NDST3: variants seen among roughly 807,000 people sequenced by gnomAD.
NDST3 encodes bifunctional heparan sulfate N-deacetylase/N-sulfotransferase 3.
In NDST3, 58 loss-of-function variants were observed where a neutral mutation model predicts 96.1. That is an observed-to-expected ratio of 0.60 (90% CI 0.49 to 0.75). The LOEUF (loss-of-function observed/expected upper bound fraction) is 0.75, where lower values mean the gene tolerates loss of function less well. Among genes scored for constraint, NDST3 ranks in the 30% least tolerant of loss-of-function variants. NDST3 has a pLI of 0.00. For synonymous variants in NDST3, 333 were observed against 359.7 expected, an observed-to-expected ratio of 0.93 and a Z score of 0.84; for missense variants, 788 against 1,034.2, an observed-to-expected ratio of 0.76 and a Z score of 3.27.
At chr4:118,069,360 T>C (rs2125798062) in intron 2 of NDST3, among the ~76,000 whole-genome samples, 1 of 152,110 alleles carries the variant, frequency 6.6e-6, no homozygotes, top group East Asian at 1.9e-4. Context: ...GAGTACCCCA[T>C]TAGGTGATTT....
rs889256037 is a variant in NDST3, at chr4:118,069,463, G to A, written c.981+14572G>A. On this transcript the variant is annotated intron_variant, in intron 2 of 13. Transcript: ENST00000296499. Reference sequence around the variant, plus strand: ...GCCTTTGAGAAACTACAATTAGAGTGAGCCCTGTTTGGGGTTTTTTTGTCT... The same window carrying A: ...GCCTTTGAGAAACTACAATTAGAGTAAGCCCTGTTTGGGGTTTTTTTGTCT... Among the ~76,000 whole-genome samples the A allele has an allele frequency of 4.5e-4, 69 of 151,950 alleles. 1 individual carries two copies. Among genetic ancestry groups the A allele is most frequent in the Non-Finnish European group, 7.9e-4 (54 of 67,966 alleles).
At chr4:118,040,816 G>A (rs1724401510) in intron 1 of NDST3, among the ~76,000 whole-genome samples, 1 of 148,160 alleles carries the variant, frequency 6.7e-6, no homozygotes, top group Admixed American at 6.7e-5. Flanking sequence ...CCAAGTAGCT[G>A]GGACCACCTG....
intron 2 of NDST3, among the ~76,000 whole-genome samples, chr4:118,066,166 T>TA (rs1560617659): frequency 4.9e-5 from 1 of 20,372 alleles, no homozygotes; most frequent in African/African-American, 1.1e-4. Flanking sequence ...ATATTATATA[T>TA]TATATTTTAT....
At chr4:118,194,389 G>A (rs1578795950) in intron 6 of NDST3, 2 of 731,914 alleles carry the variant, frequency 2.7e-6, no homozygotes, top group East Asian at 5.0e-5. Context: ...GCATTGGGGA[G>A]ATCTTTGGAG....
chr4:118,101,533 T>C (rs1366467849), intron 2 of NDST3, among the ~76,000 whole-genome samples: 1 of 152,162 alleles, frequency 6.6e-6, no homozygotes, highest in Non-Finnish European at 1.5e-5. Flanking sequence ...AACTGTTTTG[T>C]TTGCTAAAGC....
At chr4:118,164,206 T>C (rs888543991) in intron 6 of NDST3, among the ~76,000 whole-genome samples, 12 of 152,248 alleles carry the variant, frequency 7.9e-5, no homozygotes, top group Admixed American at 5.2e-4. Flanking sequence ...TGGATGGAGC[T>C]AGAGGCCATT....
At chr4:118,035,439 G>GTTT (rs34646125) in intron 1 of NDST3, among the ~76,000 whole-genome samples, 1 of 137,830 alleles carries the variant, frequency 7.3e-6, no homozygotes, top group African/African-American at 2.6e-5. Context: ...CTTTTTTTTT[G>GTTT]TTTTTTTTTT....
At chr4:118,109,101 A>G (rs1450336981) in intron 3 of NDST3, among the ~76,000 whole-genome samples, 2 of 152,238 alleles carry the variant, frequency 1.3e-5, no homozygotes, top group African/African-American at 2.4e-5. Flanking sequence ...AGTTAGACTC[A>G]TAGCATAACT....
chr4:118,248,921 A>G (rs1007137581), intron 12 of NDST3, among the ~76,000 whole-genome samples: 20 of 152,272 alleles, frequency 1.3e-4, no homozygotes, highest in African/African-American at 4.8e-4. Flanking sequence ...CCCTCAGGCC[A>G]TTGGGTAAAT....
intron 4 of NDST3, among the ~76,000 whole-genome samples, chr4:118,136,843 A>G (rs1733141233): frequency 6.6e-6 from 1 of 152,144 alleles, no homozygotes; most frequent in African/African-American, 2.4e-5. Flanking sequence ...ATCATCAGAA[A>G]TTGGGGCGAT....
At chr4:118,209,651 T>C (rs952448648) in intron 6 of NDST3, among the ~76,000 whole-genome samples, 2 of 152,166 alleles carry the variant, frequency 1.3e-5, no homozygotes, top group African/African-American at 4.8e-5. Context: ...ATAAATGTTA[T>C]AAAAAAGACA....
At chr4:118,166,881 A>G (rs1224078724) in intron 6 of NDST3, among the ~76,000 whole-genome samples, 2 of 151,978 alleles carry the variant, frequency 1.3e-5, no homozygotes, top group African/African-American at 4.8e-5. Context: ...CAAAGTAGGA[A>G]TAAAAGGAAA....
chr4:118,129,147 T>C (rs1017158725), intron 4 of NDST3, among the ~76,000 whole-genome samples: 7 of 151,980 alleles, frequency 4.6e-5, no homozygotes, highest in African/African-American at 7.2e-5. Flanking sequence ...TTTTGTTTCA[T>C]TGACTTTTTT....
At chr4:118,089,495 T>C (rs746513041) in intron 2 of NDST3, among the ~76,000 whole-genome samples, 1 of 151,932 alleles carries the variant, frequency 6.6e-6, no homozygotes, top group Admixed American at 6.6e-5. Context: ...TCTTTCCCAG[T>C]TTAAGAGTCA....
chr4:118,168,771 A>G (rs1476188661), intron 6 of NDST3, among the ~76,000 whole-genome samples: 2 of 152,216 alleles, frequency 1.3e-5, no homozygotes, highest in Non-Finnish European at 2.9e-5. Context: ...TATTCATACA[A>G]TAAAACGTTA....
At chr4:118,139,649 G>C (rs1258463769) in intron 5 of NDST3, among the ~76,000 whole-genome samples, 1 of 152,132 alleles carries the variant, frequency 6.6e-6, no homozygotes, top group African/African-American at 2.4e-5. Flanking sequence ...TGCTGTATGA[G>C]AGCAACTTTT....
At chr4:118,197,748 TGG>T (rs1560711987) in intron 6 of NDST3, among the ~76,000 whole-genome samples, 1 of 151,682 alleles carries the variant, frequency 6.6e-6, no homozygotes, top group Admixed American at 6.6e-5. Flanking sequence ...TCTCAGTTTT[TGG>T]GGGGTTTTTT....
intron 6 of NDST3, among the ~76,000 whole-genome samples, chr4:118,190,856 C>G (rs1737259152): frequency 6.6e-6 from 1 of 152,270 alleles, no homozygotes; most frequent in Admixed American, 6.5e-5. Context: ...AAATTATATT[C>G]AATTGTATTT....
chr4:118,213,414 C>G (rs1344140812), intron 6 of NDST3, among the ~76,000 whole-genome samples: 1 of 152,020 alleles, frequency 6.6e-6, no homozygotes, highest in Non-Finnish European at 1.5e-5. Context: ...AAATTTTTCC[C>G]AGGAATATAG....
Sources: gnomAD v4.1 joint callset for allele counts (sites outside exome capture counted in the v4.1 genomes callset) on GRCh38, gnomAD v4.1.1 for gene constraint, MANE v1.5 for transcripts, NCBI Gene and HGNC (gene_info 2026-07-23, HGNC 2026-07-21) for gene names.